FGF12: variants seen among roughly 807,000 people sequenced by gnomAD.
FGF12 encodes fibroblast growth factor 12.
Under a neutral mutation model 23.6 loss-of-function variants are expected in FGF12, and 14 were observed. The observed-to-expected ratio is 0.59, with a 90% CI of 0.39 to 0.93. The LOEUF (loss-of-function observed/expected upper bound fraction) is 0.93, where lower values mean the gene tolerates loss of function less well. Ranked by LOEUF, FGF12 falls within the 40% of genes least tolerant of loss-of-function variation. FGF12 has a pLI of 0.00. For synonymous variants in FGF12, 62 were observed against 77.3 expected (o/e 0.80, Z 1.04); for missense variants, 175 against 217.8 (o/e 0.80, Z 1.24).
chr3:192,447,524 T>A (rs1236497540), intron 2 of FGF12, among the ~76,000 whole-genome samples: 1 of 152,198 alleles, frequency 6.6e-6, no homozygotes, highest in East Asian at 1.9e-4. Flanking sequence ...TTGATGCATT[T>A]TTTTCTACAA....
intron 2 of FGF12, among the ~76,000 whole-genome samples, chr3:192,592,952 G>A (rs181251527): frequency 1.6e-4 from 25 of 151,916 alleles, no homozygotes; most frequent in Admixed American, 2.6e-4. Flanking sequence ...TACAATAATG[G>A]TCTGAGCCAC....
In FGF12 at chr3:192,489,212, TAAC is replaced by T. The variant is rs1487040456; in HGVS notation, c.14-128677_14-128675del. Reference sequence around the variant, plus strand: ...ATCATTATTATCACAATAATAAAAATAACAATAAAAAGAGCAAAAATACTACAC... The same window carrying T: ...ATCATTATTATCACAATAATAAAAATAATAAAAAGAGCAAAAATACTACAC... On this transcript the variant is annotated intron_variant, in intron 2 of 5. Transcript: ENST00000445105. 5.9e-5 allele frequency among the ~76,000 whole-genome samples: 9 copies of T among 152,146 alleles called. No individual in the cohort carries two copies. The East Asian group carries it at 1.7e-3, about 29-fold the overall frequency.
At chr3:192,339,220 T>A (rs541936576) in intron 3 of FGF12, among the ~76,000 whole-genome samples, 71 of 152,242 alleles carry the variant, frequency 4.7e-4, no homozygotes, top group Middle Eastern at 3.4e-3. Context: ...CTCCTAAAAG[T>A]CCCAAAAGGT....
chr3:192,559,094 A>G (rs1711907481), intron 2 of FGF12, among the ~76,000 whole-genome samples: 2 of 152,022 alleles, frequency 1.3e-5, no homozygotes, highest in African/African-American at 4.8e-5. Flanking sequence ...AAAAATAGAC[A>G]AATGGGACTA....
intron 4 of FGF12, among the ~76,000 whole-genome samples, chr3:192,325,161 T>G (rs1039569268): frequency 6.6e-6 from 1 of 152,160 alleles, no homozygotes; most frequent in African/African-American, 2.4e-5. Context: ...GGTTCTTGGG[T>G]TGACAGAATT....
chr3:192,155,423 TAG>T (rs1714353650), intron 5 of FGF12, among the ~76,000 whole-genome samples: 1 of 152,212 alleles, frequency 6.6e-6, no homozygotes, highest in Non-Finnish European at 1.5e-5. Flanking sequence ...ACTGTGTGTA[TAG>T]GGCCCACTGT....
At chr3:192,290,898 G>T (rs1202531688) in intron 4 of FGF12, among the ~76,000 whole-genome samples, 6 of 151,884 alleles carry the variant, frequency 4.0e-5, no homozygotes, top group Non-Finnish European at 7.4e-5. Flanking sequence ...CAAAAAAAAG[G>T]ACACATACAA....
At chr3:192,683,396 G>T (rs940674478) in intron 2 of FGF12, among the ~76,000 whole-genome samples, 1 of 152,192 alleles carries the variant, frequency 6.6e-6, no homozygotes. Context: ...TTCTACAAGT[G>T]CTCCTTGGCT....
At chr3:192,642,177 G>A (rs758349347) in intron 2 of FGF12, among the ~76,000 whole-genome samples, 2 of 152,026 alleles carry the variant, frequency 1.3e-5, no homozygotes, top group East Asian at 1.9e-4. Context: ...CCATATTTAC[G>A]TCAGTCTTTA....
At chr3:192,221,685 G>T (rs1253230182) in intron 4 of FGF12, among the ~76,000 whole-genome samples, 3 of 152,216 alleles carry the variant, frequency 2.0e-5, no homozygotes, top group Admixed American at 6.5e-5. Context: ...TATAAAGAAA[G>T]AAATATAGTT....
chr3:192,218,416 C>T (rs1399957894), intron 4 of FGF12, among the ~76,000 whole-genome samples: 2 of 152,078 alleles, frequency 1.3e-5, no homozygotes, highest in Non-Finnish European at 2.9e-5. Context: ...CATGCGGGTG[C>T]GTTTCTCATG....
At chr3:192,217,338 T>G (rs1718242551) in intron 4 of FGF12, among the ~76,000 whole-genome samples, 1 of 152,346 alleles carries the variant, frequency 6.6e-6, no homozygotes, top group South Asian at 2.1e-4. Context: ...ATAAGTACTT[T>G]TTCCATATTC....
intron 2 of FGF12, among the ~76,000 whole-genome samples, chr3:192,437,355 G>A (rs1201197600): frequency 6.6e-6 from 1 of 152,094 alleles, no homozygotes. Context: ...AGGTAGCATC[G>A]CCTTTTAGCC....
chr3:192,192,857 C>T (rs1716865216), intron 4 of FGF12, among the ~76,000 whole-genome samples: 1 of 152,040 alleles, frequency 6.6e-6, no homozygotes, highest in Non-Finnish European at 1.5e-5. Context: ...GTAAATACAG[C>T]ATTGAGATGT....
chr3:192,694,012 A>C (rs989785889), intron 2 of FGF12, among the ~76,000 whole-genome samples: 4 of 152,176 alleles, frequency 2.6e-5, no homozygotes, highest in Admixed American at 6.5e-5. Context: ...GTATCTGATA[A>C]GGAGTTAATA....
At chr3:192,638,090 A>ATG (rs1257985341) in intron 2 of FGF12, among the ~76,000 whole-genome samples, 4 of 151,892 alleles carry the variant, frequency 2.6e-5, no homozygotes, top group East Asian at 3.9e-4. Context: ...TGCCAAAGCT[A>ATG]TGTGTGTGTG....
At chr3:192,560,782 C>G (rs181090147) in intron 2 of FGF12, among the ~76,000 whole-genome samples, 12 of 152,034 alleles carry the variant, frequency 7.9e-5, no homozygotes, top group African/African-American at 2.7e-4. Context: ...CAAACTCTTT[C>G]CTAAATTAGA....
chr3:192,672,940 G>A (rs766405972), intron 2 of FGF12: 4 of 150,938 alleles, frequency 2.7e-5, no homozygotes, highest in Non-Finnish European at 5.9e-5. Flanking sequence ...AAGGCATAAA[G>A]TCCAATCCAA....
At chr3:192,219,733 C>G (rs1718377973) in intron 4 of FGF12, among the ~76,000 whole-genome samples, 1 of 152,170 alleles carries the variant, frequency 6.6e-6, no homozygotes, top group African/African-American at 2.4e-5. Flanking sequence ...AACAAGTGTT[C>G]CATAAATGTG....
Sources: gnomAD v4.1 joint callset for allele counts (sites outside exome capture counted in the v4.1 genomes callset) on GRCh38, gnomAD v4.1.1 for gene constraint, MANE v1.5 for transcripts, NCBI Gene and HGNC (gene_info 2026-07-23, HGNC 2026-07-21) for gene names.